The following ADGRA3 variants were observed in gnomAD, a reference collection of about 807,000 sequenced individuals.
The protein encoded by ADGRA3 is G-protein coupled receptor 125.
In ADGRA3, 56 loss-of-function variants were observed where a neutral mutation model predicts 119.8. The observed-to-expected ratio is 0.47, with a 90% CI of 0.38 to 0.58. ADGRA3 has a LOEUF of 0.58. Ranked by LOEUF, ADGRA3 falls within the 20% of genes least tolerant of loss-of-function variation. ADGRA3 has a pLI of 0.00. For missense variants in ADGRA3, 1,516 were observed against 1,649.0 expected, an observed-to-expected ratio of 0.92 and a Z score of 1.40; for synonymous variants, 607 against 623.8, an observed-to-expected ratio of 0.97 and a Z score of 0.40.
intron 1 of ADGRA3, among the ~76,000 whole-genome samples, chr4:22,474,506 G>A (rs1158068076): frequency 6.6e-6 from 1 of 152,160 alleles, no homozygotes; most frequent in Non-Finnish European, 1.5e-5. Context: ...TGCCTGAGAA[G>A]AGACTTCATA....
chr4:22,397,676 C>T (rs1441884465), intron 16 of ADGRA3, among the ~76,000 whole-genome samples: 2 of 152,170 alleles, frequency 1.3e-5, no homozygotes, highest in East Asian at 1.9e-4. Flanking sequence ...GTGGGTCTTT[C>T]CTGAGCTGTT....
At chr4:22,505,539 C>A (rs562078357) in intron 1 of ADGRA3, among the ~76,000 whole-genome samples, 1 of 151,382 alleles carries the variant, frequency 6.6e-6, no homozygotes, top group African/African-American at 2.4e-5. Context: ...CCCAGCTACT[C>A]GAGAGGCTAA....
chr4:22,394,108 C>T (rs1382595334), intron 16 of ADGRA3: 3 of 151,988 alleles, frequency 2.0e-5, no homozygotes, highest in Non-Finnish European at 2.9e-5. Context: ...TTTTTAATCA[C>T]TGCTTTTTTA....
chr4:22,473,851 A>G lies in ADGRA3; in HGVS notation c.258-8T>C, dbSNP rs753940184. The G allele has an allele frequency of 3.2e-6, 5 of 1,578,206 alleles. No individual in the cohort carries two copies. The South Asian group carries it at 5.7e-5, about 18-fold the overall frequency. ...TTATTGTTACTCAGAATCCTAAAAA[A>G]TACCAAAAAAATAATAAGTTGCCTA... On this transcript the variant is annotated splice_polypyrimidine_tract_variant and splice_region_variant and intron_variant, in intron 1 of 18. Coordinates refer to ENST00000334304, the MANE Select transcript of ADGRA3 (RefSeq NM_145290.4).
chr4:22,407,899 A>G (rs1467417253), intron 14 of ADGRA3, among the ~76,000 whole-genome samples: 1 of 152,196 alleles, frequency 6.6e-6, no homozygotes, highest in African/African-American at 2.4e-5. Context: ...GCAATTGTCT[A>G]AGTACCAGGA....
chr4:22,475,020 T>G (rs535134936), intron 1 of ADGRA3, among the ~76,000 whole-genome samples: 125 of 152,336 alleles, frequency 8.2e-4, no homozygotes, highest in African/African-American at 2.9e-3. Context: ...AAAACAGCCA[T>G]TTGGCATCTG....
Position 22,444,954 on chromosome 4 carries a change from G to T in ADGRA3, c.706+19C>A. ...TCAAAATATGGTAAATGCTTTCTCA[G>T]TTTGGATTTCTCCCTTACCGCATGT... On this transcript the variant is annotated intron_variant, in intron 6 of 18. Coordinates refer to ENST00000334304, the MANE Select transcript of ADGRA3 (RefSeq NM_145290.4). 6.2e-7 allele frequency: 1 copy of T among 1,611,402 alleles called. No individual in the cohort carries two copies. The highest frequency in any genetic ancestry group is 8.5e-7 in the Non-Finnish European group (1 of 1,179,240).
intron 1 of ADGRA3, among the ~76,000 whole-genome samples, chr4:22,484,740 A>C (rs1405126620): frequency 6.6e-6 from 1 of 152,204 alleles, no homozygotes; most frequent in African/African-American, 2.4e-5. Context: ...TGGGTGGGAA[A>C]AAAATATGTA....
chr4:22,469,808 C>T (rs1717792920), intron 2 of ADGRA3, among the ~76,000 whole-genome samples: 1 of 152,170 alleles, frequency 6.6e-6, no homozygotes, highest in Non-Finnish European at 1.5e-5. Flanking sequence ...CCATCCCAAA[C>T]CATCTCATCC....
chr4:22,388,322 T>C lies in ADGRA3; in HGVS notation c.3349A>G (p.Asn1117Asp). The change falls in exon 19 of 19, where the codon AAC (asparagine) becomes GAC (aspartate). Residue 1117 changes from asparagine to aspartate, a missense_variant. By Grantham distance (23) the Asn-to-Asp change is conservative. Around this residue, in one of 2 missense-constraint regions of ADGRA3, gnomAD observed 1,088 missense variants for 1,107.1 expected, o/e 0.98. Transcript: ENST00000334304. ...CACTGAGCTGCAGCCGCCTGCAAGT[T>C]TGTTAATTTGCAGCCCTGGGAGGAA... ...KNSSQGCKLT[N>D]LQAAAAQCHA... 1.2e-6 allele frequency: 2 copies of C among 1,614,070 alleles called. No individual in the cohort carries two copies. Among genetic ancestry groups the C allele is most frequent in the Non-Finnish European group, 1.7e-6 (2 of 1,179,990 alleles).
At chr4:22,497,549 G>A (rs1718879775) in intron 1 of ADGRA3, among the ~76,000 whole-genome samples, 1 of 152,088 alleles carries the variant, frequency 6.6e-6, no homozygotes, top group South Asian at 2.1e-4. Flanking sequence ...GTGAGGCCGG[G>A]CACGGTGGCT....
At chr4:22,424,053 G>A in intron 11 of ADGRA3, 138 bp downstream of exon 11, 1 of 538,668 alleles carries the variant, frequency 1.9e-6, no homozygotes, top group East Asian at 3.3e-5. Context: ...CTTATAAAAT[G>A]TTAAGAAGAA....
At chr4:22,440,514 C>A (rs565189611) in intron 7 of ADGRA3, among the ~76,000 whole-genome samples, 1 of 152,238 alleles carries the variant, frequency 6.6e-6, no homozygotes, top group East Asian at 1.9e-4. Context: ...TCTCAGGCTT[C>A]ACATGAAAGA....
chr4:22,389,188 A>G lies in ADGRA3; in HGVS notation c.2628-5T>C, dbSNP rs1275380842. 8 of 1,601,706 alleles carry G rather than the reference A, an allele frequency of 5.0e-6. No individual in the cohort carries two copies. Among genetic ancestry groups the G allele is most frequent in the East Asian group, 2.2e-5 (1 of 44,790 alleles). The stretch of plus-strand genomic sequence containing the variant: ...CCACCACCAATCAGGTAAAATCTAG[A>G]AGGAGGAATCACAGGAAAAACCACT... On this transcript the variant is annotated splice_region_variant and splice_polypyrimidine_tract_variant and intron_variant, in intron 17 of 18. Transcript: ENST00000334304.
chr4:22,403,367 A>G (rs28758596), intron 14 of ADGRA3, among the ~76,000 whole-genome samples: 3,916 of 152,092 alleles, frequency 0.026, 113 homozygotes, highest in African/African-American at 0.06. Flanking sequence ...ATGTACAATC[A>G]GATCATAACA....
intron 1 of ADGRA3, among the ~76,000 whole-genome samples, chr4:22,478,410 T>C (rs138932020): frequency 7.2e-5 from 11 of 152,334 alleles, no homozygotes; most frequent in African/African-American, 1.2e-4. Flanking sequence ...ACACCTTGTA[T>C]ATCAGAAGGC....
intron 16 of ADGRA3, among the ~76,000 whole-genome samples, chr4:22,395,549 A>G (rs1420436021): frequency 6.6e-6 from 1 of 152,202 alleles, no homozygotes; most frequent in Non-Finnish European, 1.5e-5. Flanking sequence ...GTCACCCACT[A>G]GAGATTACAC....
At chr4:22,466,158 C>G (rs1717649814) in intron 2 of ADGRA3, among the ~76,000 whole-genome samples, 1 of 152,184 alleles carries the variant, frequency 6.6e-6, no homozygotes. Context: ...TCCAAGGATA[C>G]CCGTGGTCCC....
At chr4:22,426,506 G>C (rs74992753) in intron 10 of ADGRA3, among the ~76,000 whole-genome samples, 1,949 of 152,176 alleles carry the variant, frequency 0.013, 43 homozygotes, top group African/African-American at 0.044. Context: ...TTTATTGAGG[G>C]CCAATGTGAG....
Sources: allele counts gnomAD v4.1 joint callset (sites outside exome capture counted in the v4.1 genomes callset), GRCh38; gene constraint gnomAD v4.1.1; regional missense constraint gnomAD v4.1.1; transcripts MANE v1.5; gene names NCBI Gene and HGNC (gene_info 2026-07-23, HGNC 2026-07-21).